ESYT2: variants seen among roughly 807,000 people sequenced by gnomAD.
The protein encoded by ESYT2 is extended synaptotagmin 2.
In ESYT2, 54 loss-of-function variants were observed where a neutral mutation model predicts 107.2. That is an observed-to-expected ratio of 0.50 (90% CI 0.40 to 0.63). The LOEUF (loss-of-function observed/expected upper bound fraction) is 0.63, where lower values mean the gene tolerates loss of function less well. Among genes scored for constraint, ESYT2 ranks in the 30% least tolerant of loss-of-function variants. The pLI is 0.00. For synonymous variants in ESYT2, 491 were observed against 434.1 expected (o/e 1.13, Z -1.63); for missense variants, 1,020 against 1,094.5 (o/e 0.93, Z 0.96).
At chr7:158,753,319 C>T (rs931204836) in intron 13 of ESYT2, among the ~76,000 whole-genome samples, 3 of 152,220 alleles carry the variant, frequency 2.0e-5, no homozygotes, top group African/African-American at 7.2e-5. Context: ...CAGCACCCAG[C>T]AGAGGAGCTG....
intron 6 of ESYT2, among the ~76,000 whole-genome samples, chr7:158,774,715 T>C (rs1007179434): frequency 3.3e-5 from 5 of 152,248 alleles, no homozygotes; most frequent in Non-Finnish European, 7.3e-5. Context: ...AGGTTGTTAC[T>C]TCTGATCACA....
rs61747457 is a variant in ESYT2 at position 158,739,061 on chromosome 7, C to G, written c.2229G>C (p.Ser743=). The change falls in exon 19 of 23, where the codon TCG becomes TCC. Residue 743 remains serine (S), a synonymous_variant. Coordinates refer to ENST00000275418, the MANE Select transcript of ESYT2 (RefSeq NM_001367773.1). The part of the protein sequence containing the change: ...GQIQLTIRHS[S]QRNKLIVVVH... ...CGACCACGATAAGCTTGTTTCTCTG[C>G]GAGCTGTGCCGGATGGTCAGCTGGA... 1.2e-6 allele frequency: 2 copies of G among 1,614,096 alleles called. No individual in the cohort carries two copies. The highest frequency in any genetic ancestry group is 2.2e-5 in the South Asian group (2 of 91,082).
intron 1 of ESYT2, among the ~76,000 whole-genome samples, chr7:158,817,386 C>T (rs1328901453): frequency 2.0e-5 from 3 of 152,250 alleles, no homozygotes; most frequent in Non-Finnish European, 4.4e-5. Flanking sequence ...GATTCCAGGT[C>T]TCTAGACAGT....
rs1294243528 is a variant in ESYT2, at chr7:158,739,097, T to G, written c.2193A>C (p.Pro731=). The change falls in exon 19 of 23, where the codon CCA becomes CCC. Residue 731 remains proline, a synonymous_variant. Transcript: ENST00000275418. The stretch of plus-strand genomic sequence containing the variant: ...GGATGGTCAGCTGGATCTGCCCCAG[T>G]GGAGACTGTCCCAGGGTCGTCCCGC... The part of the protein sequence containing the change: ...LENGTTLGQS[P]LGQIQLTIRH... 3.1e-6 allele frequency: 5 copies of G among 1,614,118 alleles called. No individual in the cohort carries two copies. The highest frequency in any genetic ancestry group is 1.3e-5 in the African/African-American group (1 of 75,044).
intron 12 of ESYT2, 152 bp from the exon 13 acceptor site, chr7:158,759,733 C>T (rs1837895216): frequency 4.7e-6 from 3 of 632,210 alleles, no homozygotes; most frequent in South Asian, 4.4e-5. Context: ...ACAATAAATG[C>T]CTTTTAAATA....
chr7:158,772,633 G>A (rs1584825471), intron 7 of ESYT2, among the ~76,000 whole-genome samples: 1 of 152,132 alleles, frequency 6.6e-6, no homozygotes, highest in Admixed American at 6.6e-5. Flanking sequence ...ACAGCCCCAC[G>A]CACTGTTTCA....
intron 6 of ESYT2, among the ~76,000 whole-genome samples, chr7:158,781,898 T>C (rs1838843751): frequency 6.9e-6 from 1 of 145,948 alleles, no homozygotes; most frequent in South Asian, 2.2e-4. Context: ...CGAGAACAAG[T>C]GTGAGTGAAC....
At chr7:158,798,101 TA>T (rs764321057) in intron 2 of ESYT2, 25 bp from the exon 3 acceptor site, 1 of 1,613,668 alleles carries the variant, frequency 6.2e-7, no homozygotes, top group Non-Finnish European at 8.5e-7. Context: ...GAACTCAGTT[TA>T]AACAAAATGC....
chr7:158,749,231 C>T (rs6973514), intron 15 of ESYT2, among the ~76,000 whole-genome samples: 16,290 of 152,084 alleles, frequency 0.11, 908 homozygotes, highest in African/African-American at 0.13. Flanking sequence ...CTCAGCCTCC[C>T]GAGTAGCTGG....
intron 13 of ESYT2, among the ~76,000 whole-genome samples, chr7:158,754,441 G>T (rs534251226): frequency 3.3e-5 from 5 of 151,844 alleles, no homozygotes; most frequent in African/African-American, 1.2e-4. Context: ...TTGATCTCTT[G>T]ACCTTGTGAT....
chr7:158,767,217 G>A (rs1218328841), intron 8 of ESYT2, among the ~76,000 whole-genome samples: 2 of 152,216 alleles, frequency 1.3e-5, no homozygotes, highest in Admixed American at 6.5e-5. Context: ...TGGCTTCAGA[G>A]GCAACGGAAT....
At chr7:158,814,289 AT>A (rs1840079892) in intron 1 of ESYT2, among the ~76,000 whole-genome samples, 16 of 19,470 alleles carry the variant, frequency 8.2e-4, no homozygotes, top group Admixed American at 2.0e-3. Context: ...AAAAAAAATT[AT>A]ATATATATAT....
chr7:158,740,543 G>A (rs1837155395), intron 18 of ESYT2, among the ~76,000 whole-genome samples: 1 of 123,564 alleles, frequency 8.1e-6, no homozygotes, highest in South Asian at 2.4e-4. Context: ...TGAGACTGCA[G>A]CGCCCTTCCT....
chr7:158,789,844 T>C (rs1201877518), intron 4 of ESYT2, among the ~76,000 whole-genome samples: 1 of 152,182 alleles, frequency 6.6e-6, no homozygotes, highest in Admixed American at 6.5e-5. Flanking sequence ...TGATGCGTAT[T>C]TGTTCAGAGA....
At chr7:158,735,743 CTAA>C (rs1836916843) in intron 20 of ESYT2, 135 bp from the exon 21 acceptor site, 16 of 781,858 alleles carry the variant, frequency 2.0e-5, no homozygotes, top group South Asian at 7.4e-5. Flanking sequence ...GTTCTTCTAC[CTAA>C]TGTTTTAATC....
chr7:158,814,695 C>A (rs1377716255), intron 1 of ESYT2, among the ~76,000 whole-genome samples: 1 of 152,202 alleles, frequency 6.6e-6, no homozygotes. Flanking sequence ...GAAACAGTAA[C>A]CTGCCACCAC....
intron 11 of ESYT2, 51 bp downstream of exon 11, chr7:158,761,445 C>T (rs751733490): frequency 1.3e-6 from 2 of 1,569,336 alleles, no homozygotes; most frequent in Admixed American, 1.7e-5. Flanking sequence ...TGGCACAGGG[C>T]AGGGACTCAG....
Position 158,787,191 on chromosome 7 carries a change from T to C in ESYT2, c.747+813A>G, listed in dbSNP as rs1839143850. Among the ~76,000 whole-genome samples the C allele has an allele frequency of 3.3e-5, 5 of 152,084 alleles. No individual in the cohort carries two copies. In the South Asian group the frequency reaches 1.0e-3, roughly 32 times the overall value. On this transcript the variant is annotated intron_variant, in intron 6 of 22. Transcript: ENST00000275418. ...TAACAGTTCTGTTGTCTTGGTTTTG[T>C]GGGAAATAACAAATAGTATTAACTA...
At chr7:158,785,789 T>C (rs1839089603) in intron 6 of ESYT2, among the ~76,000 whole-genome samples, 1 of 152,196 alleles carries the variant, frequency 6.6e-6, no homozygotes, top group African/African-American at 2.4e-5. Flanking sequence ...TCCAACTTCG[T>C]CACCTCAGCA....
Sources: allele counts gnomAD v4.1 joint callset (sites outside exome capture counted in the v4.1 genomes callset), GRCh38; gene constraint gnomAD v4.1.1; transcripts MANE v1.5; gene names NCBI Gene and HGNC (gene_info 2026-07-23, HGNC 2026-07-21).